RALYL: variants seen among roughly 807,000 people sequenced by gnomAD.
RALYL encodes RALY RNA binding protein like, also known as RNA-binding Raly-like protein.
A neutral mutation model predicts 35.1 loss-of-function variants in RALYL; 29 were observed. That is an observed-to-expected ratio of 0.83 (90% CI 0.61 to 1.13). RALYL has a LOEUF of 1.13. Ranked by LOEUF, RALYL falls within the 50% of genes most tolerant of loss-of-function variation. RALYL has a pLI of 0.00. For missense variants in RALYL, 359 were observed against 360.4 expected, an observed-to-expected ratio of 1.00 and a Z score of 0.03; for synonymous variants, 120 against 127.6, an observed-to-expected ratio of 0.94 and a Z score of 0.40.
intron 1 of RALYL, among the ~76,000 whole-genome samples, chr8:84,477,489 A>C (rs1216376884): frequency 1.3e-5 from 2 of 149,616 alleles, no homozygotes; most frequent in Non-Finnish European, 3.0e-5. Context: ...TATTGAATTT[A>C]TATATACATT....
chr8:84,440,007 A>G (rs1033915081), intron 1 of RALYL, among the ~76,000 whole-genome samples: 1 of 152,158 alleles, frequency 6.6e-6, no homozygotes, highest in Non-Finnish European at 1.5e-5. Flanking sequence ...TCAGAATTGT[A>G]GTATAATAAA....
chr8:84,813,056 T>C (rs1826286190), intron 4 of RALYL, among the ~76,000 whole-genome samples: 1 of 152,218 alleles, frequency 6.6e-6, no homozygotes. Flanking sequence ...AGGAATGGCC[T>C]GCTTGAAGAC....
chr8:84,699,873 A>G (rs1211481866), intron 2 of RALYL, among the ~76,000 whole-genome samples: 2 of 152,324 alleles, frequency 1.3e-5, no homozygotes, highest in Non-Finnish European at 2.9e-5. Context: ...AATATAGCCA[A>G]CATTTATTAA....
intron 1 of RALYL, among the ~76,000 whole-genome samples, chr8:84,317,847 CG>C (rs1844049052): frequency 6.6e-6 from 1 of 152,122 alleles, no homozygotes; most frequent in Non-Finnish European, 1.5e-5. Flanking sequence ...CTAGGTTTCA[CG>C]GAAACTGGCT....
chr8:84,476,707 T>C (rs1208178852), intron 1 of RALYL, among the ~76,000 whole-genome samples: 1 of 152,204 alleles, frequency 6.6e-6, no homozygotes, highest in Non-Finnish European at 1.5e-5. Context: ...AGGGCAAACA[T>C]TTTTTATTAT....
intron 2 of RALYL, among the ~76,000 whole-genome samples, chr8:84,606,957 T>C (rs576726314): frequency 6.6e-6 from 1 of 152,102 alleles, no homozygotes; most frequent in Non-Finnish European, 1.5e-5. Context: ...AAACTTTTTA[T>C]GTAAATGGAG....
intron 1 of RALYL, among the ~76,000 whole-genome samples, chr8:84,482,638 T>G (rs1213438320): frequency 6.6e-6 from 1 of 152,054 alleles, no homozygotes; most frequent in African/African-American, 2.4e-5. Flanking sequence ...AACAAAGAGC[T>G]GTATACCCCA....
intron 3 of RALYL, among the ~76,000 whole-genome samples, chr8:84,794,124 A>G (rs1277025179): frequency 6.6e-6 from 1 of 152,222 alleles, no homozygotes; most frequent in Non-Finnish European, 1.5e-5. Context: ...GGAAGGACAC[A>G]CAAGTCAGCT....
chr8:84,833,375 T>A lies in RALYL; in HGVS notation c.366-16605T>A, dbSNP rs544101379. ...TTATCTGGCCGGGTGCAGTGGCTCA[T>A]GCCTGTAATCCCAGCACTTTGAGAG... is the stretch of plus-strand genomic sequence containing the variant. On this transcript the variant is annotated intron_variant, in intron 4 of 8. Transcript: ENST00000521268. Among the ~76,000 whole-genome samples the A allele has an allele frequency of 8.3e-4, 126 of 152,224 alleles. 2 individuals are homozygous for A. Among genetic ancestry groups the A allele is most frequent in the Non-Finnish European group, 1.2e-4 (8 of 67,994 alleles).
chr8:84,187,166 A>G (rs137910453), intron 1 of RALYL, among the ~76,000 whole-genome samples: 1 of 152,142 alleles, frequency 6.6e-6, no homozygotes, highest in Non-Finnish European at 1.5e-5. Flanking sequence ...ACATTGTACT[A>G]TCTAAACTGT....
At chr8:84,667,642 A>T (rs1041115257) in intron 2 of RALYL, among the ~76,000 whole-genome samples, 15 of 151,800 alleles carry the variant, frequency 9.9e-5, no homozygotes, top group African/African-American at 3.6e-4. Flanking sequence ...AGTCCATTAC[A>T]TTTTTTTTCC....
intron 2 of RALYL, among the ~76,000 whole-genome samples, chr8:84,749,304 C>A (rs189416505): frequency 1.5e-4 from 23 of 150,560 alleles, no homozygotes; most frequent in Admixed American, 1.5e-3. Context: ...GATCTCTCTG[C>A]CTGATATATT....
chr8:84,560,922 T>C (rs2135580737), intron 2 of RALYL, among the ~76,000 whole-genome samples: 1 of 152,172 alleles, frequency 6.6e-6, no homozygotes, highest in East Asian at 1.9e-4. Flanking sequence ...ATGGATGTTT[T>C]CTCCTCACTG....
At chr8:84,836,974 T>G (rs1252958962) in intron 4 of RALYL, among the ~76,000 whole-genome samples, 1 of 152,202 alleles carries the variant, frequency 6.6e-6, no homozygotes, top group Non-Finnish European at 1.5e-5. Flanking sequence ...ACCACCAGAT[T>G]TCTTGATCAT....
At chr8:84,205,011 A>G (rs1817737146) in intron 1 of RALYL, among the ~76,000 whole-genome samples, 2 of 152,156 alleles carry the variant, frequency 1.3e-5, no homozygotes, top group Admixed American at 1.3e-4. Context: ...TAGCAGAGCT[A>G]AAACTTAAGC....
intron 2 of RALYL, among the ~76,000 whole-genome samples, chr8:84,603,928 TTTTG>T (rs543791267): frequency 1.2e-4 from 18 of 151,884 alleles, no homozygotes; most frequent in African/African-American, 2.7e-4. Flanking sequence ...ATCAGGTTTT[TTTTG>T]TTTGTTTGTT....
chr8:84,883,519 C>T (rs73301294), intron 7 of RALYL, among the ~76,000 whole-genome samples: 121 of 152,032 alleles, frequency 8.0e-4, no homozygotes, highest in African/African-American at 2.4e-3. Flanking sequence ...CCAGGAGAAA[C>T]GGGAAACCCC....
intron 1 of RALYL, among the ~76,000 whole-genome samples, chr8:84,421,664 G>A (rs1414269460): frequency 1.5e-5 from 2 of 135,600 alleles, no homozygotes. Context: ...TGCCCATTCA[G>A]TATGATATTG....
At chr8:84,640,905 A>T (rs1826166267) in intron 2 of RALYL, among the ~76,000 whole-genome samples, 1 of 151,916 alleles carries the variant, frequency 6.6e-6, no homozygotes, top group Admixed American at 6.6e-5. Context: ...AGACCATTAT[A>T]ACTAGTTCCC....
Sources: gnomAD v4.1 joint callset for allele counts (sites outside exome capture counted in the v4.1 genomes callset) on GRCh38, gnomAD v4.1.1 for gene constraint, MANE v1.5 for transcripts, NCBI Gene and HGNC (gene_info 2026-07-23, HGNC 2026-07-21) for gene names.